CRAT: variants seen among roughly 807,000 people sequenced by gnomAD.
The protein encoded by CRAT is carnitine O-acetyltransferase.
In CRAT, 66 loss-of-function variants were observed where a neutral mutation model predicts 73.7. That is an observed-to-expected ratio of 0.90 (90% confidence interval 0.73 to 1.10). The LOEUF (loss-of-function observed/expected upper bound fraction) is 1.10, where lower values mean the gene tolerates loss of function less well. Ranked by LOEUF, CRAT falls within the 50% of genes least tolerant of loss-of-function variation. CRAT has a pLI of 0.00. For missense variants in CRAT, 745 were observed against 846.9 expected, an observed-to-expected ratio of 0.88 and a Z score of 1.49; for synonymous variants, 321 against 343.2, an observed-to-expected ratio of 0.94 and a Z score of 0.71.
intron 6 of CRAT, among the ~76,000 whole-genome samples, chr9:129,101,283 T>C (rs935841367): frequency 1.3e-5 from 2 of 152,154 alleles, no homozygotes; most frequent in African/African-American, 4.8e-5. Context: ...CGGGGGAATG[T>C]TGGGAAAAGG....
chr9:129,103,176 C>G lies in CRAT; in HGVS notation c.411-110G>C. The G allele has an allele frequency of 3.2e-6, 3 of 950,940 alleles. No individual in the cohort carries two copies. The highest frequency in any genetic ancestry group is 5.2e-6 in the Non-Finnish European group (3 of 581,146). 58.9% of individuals were successfully genotyped at this position (950,940 alleles called of 1,614,324 possible). ...GGTCTAGTCTTCCAGCCTCTCTCAC[C>G]GCTTCCAGAAAGCCTGGGAGCGCAA... On this transcript the variant is annotated intron_variant, in intron 3 of 13. Transcript: ENST00000318080. The surrounding 1 kb of genome is among the most constrained non-coding windows in gnomAD (Gnocchi z 4.6).
chr9:129,100,612 C>A lies in CRAT; in HGVS notation c.883G>T (p.Val295Phe). The A allele has an allele frequency of 1.2e-6, 2 of 1,614,080 alleles. No individual in the cohort carries two copies. The highest frequency in any genetic ancestry group is 1.7e-6 in the Non-Finnish European group (2 of 1,180,002). ...TVCLDATMPRVSEDVYRSHVA... is the reference protein window; with the variant it reads ...TVCLDATMPRFSEDVYRSHVA... ...TGGCTGCGGTACACGTCTTCTGAGA[C>A]CCTGGGCATGGTTGCATCTAGGCAC... Residue 295 changes from valine to phenylalanine, a missense_variant, in exon 7 of 14, where the codon GTC becomes TTC. Physicochemically the swap from Val to Phe is conservative, Grantham distance 50 (BLOSUM62 -1). Transcript: ENST00000318080.
At chr9:129,100,838 C>T (rs1847629714) in intron 6 of CRAT, 149 bp from the exon 7 acceptor site, 3 of 934,576 alleles carry the variant, frequency 3.2e-6, no homozygotes. Flanking sequence ...GCCGGCCCTC[C>T]AGGGCATTCA....
Position 129,099,861 on chromosome 9 carries a change from C to T in CRAT, c.1085+5G>A. Reference sequence around the variant, plus strand: ...GAACTAGGCGAGAGATGTGACTGTACTCACGTGTACTCGATGACATAGTCC... The same window carrying T: ...GAACTAGGCGAGAGATGTGACTGTATTCACGTGTACTCGATGACATAGTCC... On this transcript the variant is annotated splice_donor_5th_base_variant and intron_variant, in intron 8 of 13. Transcript: ENST00000318080. The T allele has an allele frequency of 1.2e-6, 2 of 1,608,620 alleles. No homozygotes were observed. Among genetic ancestry groups the T allele is most frequent in the Non-Finnish European group, 8.5e-7 (1 of 1,175,780 alleles).
In CRAT at chr9:129,095,264, C is replaced by T. The variant is rs1185442905; in HGVS notation, c.*133G>A. ...TGCAGGCCCCCTGGAGGATGCGGTC[C>T]GTGGCTCAGTAGATTTGGGGGGACC... On this transcript the variant is annotated 3_prime_UTR_variant, in exon 14 of 14. Coordinates refer to ENST00000318080, the MANE Select transcript of CRAT (RefSeq NM_000755.5). 16 of 997,596 alleles carry T rather than the reference C, an allele frequency of 1.6e-5. 2 individuals carry two copies. In the South Asian group the frequency reaches 2.0e-4, roughly 13 times the overall value. The allele number at this position is 997,596 out of a possible 1,614,324, so 61.8% of individuals were successfully genotyped here.
In CRAT at chr9:129,095,103, C is replaced by T; in HGVS notation, c.*294G>A. On this transcript the variant is annotated 3_prime_UTR_variant, in exon 14 of 14. Coordinates refer to ENST00000318080, the MANE Select transcript of CRAT (RefSeq NM_000755.5). ...AGTCTCCTGCTCTGGAGGGCTGGTT[C>T]CCTTCCCCAGAGGAGGCACCGGTGG... 1 of 474,850 alleles carries T rather than the reference C, an allele frequency of 2.1e-6. No homozygotes were observed. The highest frequency in any genetic ancestry group is 2.5e-5 in the South Asian group (1 of 39,648). 29.4% of individuals were successfully genotyped at this position (474,850 alleles called of 1,614,324 possible). A position where few individuals can be genotyped will look rare whatever the true frequency, so the allele number is the denominator to read the frequency against.
rs774457889 is a variant in CRAT at position 129,104,187 on chromosome 9, C to A, written c.410+1G>T. On this transcript the variant is annotated splice_donor_variant, in intron 3 of 13. Coordinates refer to ENST00000318080, the MANE Select transcript of CRAT (RefSeq NM_000755.5). LOFTEE classifies it high-confidence loss of function. ...CTGGCCCCCAAACCCCAGCCACTCACCGGAGCTGACCCTGCAGGTCCACGA... is the reference window on the plus strand; with the variant it reads ...CTGGCCCCCAAACCCCAGCCACTCAACGGAGCTGACCCTGCAGGTCCACGA... 3 of 1,604,394 alleles carry A rather than the reference C, an allele frequency of 1.9e-6. No homozygotes were observed. Among genetic ancestry groups the A allele is most frequent in the African/African-American group, 1.3e-5 (1 of 74,726 alleles).
Position 129,110,619 on chromosome 9 carries a change from G to C in CRAT, c.-110C>G. On this transcript the variant is annotated 5_prime_UTR_variant, in exon 1 of 14. Coordinates refer to ENST00000318080, the MANE Select transcript of CRAT (RefSeq NM_000755.5). This position sits in a 1 kb window ranked among gnomAD's most constrained non-coding sequence, Gnocchi z 5.3. ...GGTGGGTCCTTGCTAGAGCCTTCGG[G>C]CCAAGGTCGCTGAGTTACAGCCGCC... 3 of 1,265,550 alleles carry C rather than the reference G, an allele frequency of 2.4e-6. No homozygotes were observed. The highest frequency in any genetic ancestry group is 3.1e-6 in the Non-Finnish European group (3 of 962,842). The allele number at this position is 1,265,550 out of a possible 1,614,324, so 78.4% of individuals were successfully genotyped here.
intron 1 of CRAT, 83 bp from the exon 2 acceptor site, chr9:129,108,160 A>C: frequency 6.8e-7 from 1 of 1,463,404 alleles, no homozygotes; most frequent in Non-Finnish European, 9.0e-7. Flanking sequence ...TGGGCACTTA[A>C]GTGCCCATCC....
intron 7 of CRAT, 72 bp downstream of exon 7, chr9:129,100,439 G>T: frequency 6.7e-7 from 1 of 1,503,382 alleles, no homozygotes. Flanking sequence ...GCCGGGGACG[G>T]GCAGGAAGTC....
At chr9:129,102,593 C>T (rs1847758542) in intron 4 of CRAT, 28 bp from the exon 5 acceptor site, 1 of 1,611,386 alleles carries the variant, frequency 6.2e-7, no homozygotes, top group Admixed American at 1.7e-5. Context: ...AGTGAGGCCA[C>T]CACTGGGCAA....
intron 1 of CRAT, chr9:129,109,263 G>A (rs890186631): frequency 1.2e-5 from 16 of 1,304,088 alleles, no homozygotes; most frequent in Non-Finnish European, 1.6e-5. Context: ...TTACACCACA[G>A]CCCTGGGATC....
intron 13 of CRAT, 124 bp downstream of exon 13, chr9:129,095,874 C>T (rs892711448): frequency 7.9e-6 from 11 of 1,387,154 alleles, no homozygotes; most frequent in Non-Finnish European, 1.1e-5. Context: ...AGGCCCCTGC[C>T]CCCAGCTCCT....
At chr9:129,102,247 C>A (rs555833460) in intron 5 of CRAT, among the ~76,000 whole-genome samples, 153 bp downstream of exon 5, 27 of 152,308 alleles carry the variant, frequency 1.8e-4, no homozygotes, top group African/African-American at 5.8e-4. Flanking sequence ...CTCCTGGCCT[C>A]CCTGGGCCCC....
Position 129,095,269 on chromosome 9 carries a change from C to G in CRAT, c.*128G>C, listed in dbSNP as rs988528282. ...GCCCCCTGGAGGATGCGGTCCGTGG[C>G]TCAGTAGATTTGGGGGGACCAGGGA... is the stretch of plus-strand genomic sequence containing the variant. On this transcript the variant is annotated 3_prime_UTR_variant, in exon 14 of 14. Transcript: ENST00000318080. 9.6e-7 allele frequency: 1 copy of G among 1,041,746 alleles called. No homozygotes were observed. Among genetic ancestry groups the G allele is most frequent in the Non-Finnish European group, 1.4e-6 (1 of 716,576 alleles). The allele number at this position is 1,041,746 out of a possible 1,614,324, so 64.5% of individuals were successfully genotyped here.
chr9:129,101,875 A>G lies in CRAT; in HGVS notation c.805+8T>C, dbSNP rs1023784253. 4 of 1,613,060 alleles carry G rather than the reference A, an allele frequency of 2.5e-6. No homozygotes were observed. Among genetic ancestry groups the G allele is most frequent in the Non-Finnish European group, 3.4e-6 (4 of 1,179,568 alleles). ...GTGTGCAGCCCCAGCACGGCCCCCA[A>G]GAGGCACCTTTGATGAGGGTGTTGT... On this transcript the variant is annotated splice_region_variant and intron_variant, in intron 6 of 13. Coordinates refer to ENST00000318080, the MANE Select transcript of CRAT (RefSeq NM_000755.5).
intron 1 of CRAT, chr9:129,108,314 A>AG: frequency 8.7e-7 from 1 of 1,152,742 alleles, no homozygotes; most frequent in African/African-American, 1.6e-5. Context: ...AGCAAGGCTC[A>AG]GGGGAACCAA....
At chr9:129,098,917 G>A (rs554321905) in intron 8 of CRAT, among the ~76,000 whole-genome samples, 131 of 150,004 alleles carry the variant, frequency 8.7e-4, no homozygotes, top group African/African-American at 2.8e-3. Flanking sequence ...TGGTTCAAGC[G>A]ATTCTCCTGC....
rs535066779 is a variant in CRAT, at chr9:129,106,858, G to A, written c.291+956C>T. Among the ~76,000 whole-genome samples, 9 of 152,050 alleles carry A rather than the reference G, an allele frequency of 5.9e-5. No individual in the cohort carries two copies. The highest frequency in any genetic ancestry group is 2.6e-4 in the Admixed American group (4 of 15,274). ...AACCCCGACTTGGCAAATTCCACCC[G>A]TGCCCCCACCTCATTGGCAAGTGAC... On this transcript the variant is annotated intron_variant, in intron 2 of 13. Coordinates refer to ENST00000318080, the MANE Select transcript of CRAT (RefSeq NM_000755.5). This position sits in a 1 kb window ranked among gnomAD's most constrained non-coding sequence, Gnocchi z 4.0.
Sources: gnomAD v4.1 joint callset for allele counts (sites outside exome capture counted in the v4.1 genomes callset) on GRCh38, gnomAD v4.1.1 for gene constraint, Gnocchi (gnomAD v3.1) non-coding constraint, MANE v1.5 for transcripts, NCBI Gene and HGNC (gene_info 2026-07-23, HGNC 2026-07-21) for gene names.